Variants in RNF130 observed in about 807,000 individuals in gnomAD.
RNF130 encodes the protein E3 ubiquitin-protein ligase RNF130.
Under a neutral mutation model 44.6 loss-of-function variants are expected in RNF130, and 21 were observed. That is an observed-to-expected ratio of 0.47 (90% confidence interval 0.33 to 0.68). The LOEUF (loss-of-function observed/expected upper bound fraction) is 0.68, where lower values mean the gene tolerates loss of function less well. Ranked by LOEUF, RNF130 falls within the 30% of genes least tolerant of loss-of-function variation. The pLI is 0.02. For missense variants in RNF130, 479 were observed against 560.6 expected, an observed-to-expected ratio of 0.85 and a Z score of 1.47; for synonymous variants, 214 against 210.4, an observed-to-expected ratio of 1.02 and a Z score of -0.15.
chr5:179,999,181 C>T (rs958859821), intron 3 of RNF130, among the ~76,000 whole-genome samples: 1 of 151,482 alleles, frequency 6.6e-6, no homozygotes, highest in Non-Finnish European at 1.5e-5. Context: ...ATCACCATGC[C>T]GGGCTGATTT....
At chr5:180,016,511 C>T (rs1247392125) in intron 2 of RNF130, among the ~76,000 whole-genome samples, 1 of 152,224 alleles carries the variant, frequency 6.6e-6, no homozygotes, top group South Asian at 2.1e-4. Flanking sequence ...TAGTAAGTCA[C>T]GGATGCGGCC....
intron 3 of RNF130, among the ~76,000 whole-genome samples, chr5:180,007,062 G>C (rs1763475893): frequency 6.6e-6 from 1 of 152,138 alleles, no homozygotes; most frequent in African/African-American, 2.4e-5. Flanking sequence ...ACAATATATG[G>C]ATCTCTTTGG....
At chr5:180,053,341 TG>T (rs1764732646) in intron 1 of RNF130, among the ~76,000 whole-genome samples, 1 of 152,134 alleles carries the variant, frequency 6.6e-6, no homozygotes, top group Non-Finnish European at 1.5e-5. Context: ...ACAAGTCACA[TG>T]GAAGAAAGCA....
At chr5:180,013,371 T>G in intron 2 of RNF130, 60 bp from the exon 3 acceptor site, 2 of 1,426,374 alleles carry the variant, frequency 1.4e-6, no homozygotes, top group South Asian at 2.7e-5. Context: ...AAACATCAAA[T>G]GTATCAACAC....
chr5:179,920,047 C>T (rs1761605527), exon 8 of RNF130: 1 of 412,832 alleles, frequency 2.4e-6, no homozygotes, highest in East Asian at 3.7e-5. Context: ...CCGGCCTCTT[C>T]TCTGGAAACA....
chr5:179,978,417 T>C, intron 4 of RNF130, 132 bp from the exon 5 acceptor site: 1 of 607,802 alleles, frequency 1.6e-6, no homozygotes, highest in Non-Finnish European at 2.9e-6. Flanking sequence ...TGATTAAAAT[T>C]ATTTTGTTTT....
At chr5:180,000,806 C>T (rs1763316794) in intron 3 of RNF130, among the ~76,000 whole-genome samples, 2 of 152,136 alleles carry the variant, frequency 1.3e-5, no homozygotes, top group African/African-American at 4.8e-5. Flanking sequence ...ATTGTCTACA[C>T]GTTTTCTTGT....
intron 3 of RNF130, among the ~76,000 whole-genome samples, chr5:180,012,261 T>A (rs558716267): frequency 7.9e-5 from 12 of 152,310 alleles, no homozygotes; most frequent in Middle Eastern, 6.8e-3. Context: ...GGAATTTGAA[T>A]GTACCATGTT....
downstream of RNF130, chr5:179,955,032 G>C (rs1463156137): frequency 6.6e-6 from 1 of 152,232 alleles, no homozygotes; most frequent in African/African-American, 2.4e-5. Flanking sequence ...TTACTAATTA[G>C]ATGTGGTTTG....
intron 1 of RNF130, among the ~76,000 whole-genome samples, chr5:180,058,106 A>G (rs145715073): frequency 6.6e-6 from 1 of 152,332 alleles, no homozygotes; most frequent in African/African-American, 2.4e-5. Flanking sequence ...AGGAACAGGT[A>G]TAAACTACGG....
At chr5:180,060,018 G>C (rs531881619) in intron 1 of RNF130, among the ~76,000 whole-genome samples, 1 of 152,326 alleles carries the variant, frequency 6.6e-6, no homozygotes, top group East Asian at 1.9e-4. Context: ...TCTTTTAAAT[G>C]TGGGTGACAG....
At chr5:180,019,004 A>G (rs1027030188) in intron 2 of RNF130, among the ~76,000 whole-genome samples, 1 of 152,204 alleles carries the variant, frequency 6.6e-6, no homozygotes, top group Non-Finnish European at 1.5e-5. Flanking sequence ...CATTTTTACT[A>G]TTGGTTACTC....
intron 1 of RNF130, among the ~76,000 whole-genome samples, chr5:180,062,361 C>A (rs1289098093): frequency 6.6e-6 from 1 of 151,980 alleles, no homozygotes; most frequent in Non-Finnish European, 1.5e-5. Flanking sequence ...AGCCCGGTCC[C>A]CCCAGCCTCT....
intron 2 of RNF130, among the ~76,000 whole-genome samples, chr5:180,027,640 C>T (rs1300620031): frequency 2.0e-5 from 3 of 152,138 alleles, no homozygotes; most frequent in African/African-American, 7.2e-5. Flanking sequence ...CCTGAGCACC[C>T]ACTCCATTAA....
At position 179,936,268 on chromosome 5, in the gene RNF130, TA is replaced by T. The variant is rs1490560019; in HGVS notation, c.1151-15843del. On this transcript the variant is annotated intron_variant, in intron 7 of 7. Transcript: ENST00000522208. ...CTGAGCAGCTGGGACTACAGGTAAT[TA>T]AAAAAAATTTTTTGTAGAGACAGGG... Among the ~76,000 whole-genome samples the T allele has an allele frequency of 4.6e-5, 7 of 152,240 alleles. No homozygotes were observed. The East Asian group carries it at 1.2e-3, about 25-fold the overall frequency.
chr5:179,938,672 T>C (rs1428732838), intron 7 of RNF130, among the ~76,000 whole-genome samples: 2 of 152,180 alleles, frequency 1.3e-5, no homozygotes, highest in East Asian at 1.9e-4. Context: ...TTGTCAAAAT[T>C]AAGTTGCCAG....
chr5:180,062,968 C>T (rs775146359), intron 1 of RNF130, among the ~76,000 whole-genome samples: 6 of 152,066 alleles, frequency 3.9e-5, no homozygotes, highest in Non-Finnish European at 8.8e-5. Flanking sequence ...ACATAGAAGC[C>T]CTGGGAACTG....
chr5:180,012,631 A>G (rs933195396), intron 3 of RNF130, among the ~76,000 whole-genome samples: 1 of 152,086 alleles, frequency 6.6e-6, no homozygotes, highest in African/African-American at 2.4e-5. Context: ...CATTGATTTC[A>G]TTTTCTGAAT....
chr5:179,958,695 T>G (rs1478274470), intron 8 of RNF130, among the ~76,000 whole-genome samples: 1 of 151,602 alleles, frequency 6.6e-6, no homozygotes, highest in Non-Finnish European at 1.5e-5. Flanking sequence ...TGTTTCTTTC[T>G]TTTTTTTTGA....
Sources: gnomAD v4.1 joint callset for allele counts (sites outside exome capture counted in the v4.1 genomes callset) on GRCh38, gnomAD v4.1.1 for gene constraint, MANE v1.5 for transcripts, NCBI Gene and HGNC (gene_info 2026-07-23, HGNC 2026-07-21) for gene names.